RAX: variants seen among roughly 807,000 people sequenced by gnomAD.
RAX encodes retinal homeobox protein Rx.
A neutral mutation model predicts 17.4 loss-of-function variants in RAX; 11 were observed. The observed-to-expected ratio is 0.63, with a 90% CI of 0.40 to 1.05. The LOEUF is 1.05. Ranked by LOEUF, RAX falls within the 50% of genes least tolerant of loss-of-function variation. The probability of loss-of-function intolerance (pLI) is 0.00; values close to 1 mark genes in which losing one functional copy is unlikely to be tolerated. For missense variants in RAX, 527 were observed against 501.1 expected, an observed-to-expected ratio of 1.05 and a Z score of -0.49; for synonymous variants, 276 against 254.7, an observed-to-expected ratio of 1.08 and a Z score of -0.80.
Position 59,272,980 on chromosome 18 carries a change from G to T in RAX, c.227C>A (p.Ala76Glu). Residue 76 changes from alanine to glutamate, a missense_variant, in exon 1 of 3, where the codon GCG becomes GAG. By Grantham distance (107) the Ala-to-Glu change is moderately radical. Coordinates refer to ENST00000334889, the MANE Select transcript of RAX (RefSeq NM_013435.3). Reference sequence around the variant, plus strand: ...GGAGGGCTCGGAGCCTTCCTCGGGCGCCTTGGGGCAGGCGGGCCGCGCGCC... The same window carrying T: ...GGAGGGCTCGGAGCCTTCCTCGGGCTCCTTGGGGCAGGCGGGCCGCGCGCC... ...RLGARPACPK[A>E]PEEGSEPSPP... 2.0e-6 allele frequency: 3 copies of T among 1,520,982 alleles called. No individual in the cohort carries two copies. Among genetic ancestry groups the T allele is most frequent in the Non-Finnish European group, 2.6e-6 (3 of 1,141,656 alleles). The allele number at this position is 1,520,982 out of a possible 1,614,324, so 94.2% of individuals were successfully genotyped here.
At chr18:59,272,300 T>C (rs545563036) in intron 2 of RAX, 61 bp downstream of exon 2, 33 of 1,611,442 alleles carry the variant, frequency 2.0e-5, no homozygotes, top group East Asian at 1.1e-4. Context: ...CCGAGAAGCA[T>C]TGGCTGCAAT....
At chr18:59,272,689 C>A (rs865966482) in intron 1 of RAX, 75 bp from the exon 2 acceptor site, 1 of 1,504,618 alleles carries the variant, frequency 6.6e-7, no homozygotes, top group Non-Finnish European at 8.8e-7. Context: ...TCGCTGTGGG[C>A]ACTGGCCAGC....
intron 2 of RAX, 112 bp from the exon 3 acceptor site, chr18:59,269,613 T>G: frequency 8.1e-7 from 1 of 1,240,812 alleles, no homozygotes; most frequent in Non-Finnish European, 1.1e-6. Flanking sequence ...CAAATAAAAC[T>G]AGGGGCGCAA....
rs1350975074 is a variant in RAX, at chr18:59,273,408, G to C, written c.-202C>G. On this transcript the variant is annotated 5_prime_UTR_variant, in exon 1 of 3. Coordinates refer to ENST00000334889, the MANE Select transcript of RAX (RefSeq NM_013435.3). ...CTTAGTCCCAGAAGTCGGAAGTTCG[G>C]GCTCGGGGTAGCTGGGGCTCTCGGC... 1.7e-6 allele frequency: 1 copy of C among 595,866 alleles called. No homozygotes were observed. Among genetic ancestry groups the C allele is most frequent in the Non-Finnish European group, 2.8e-6 (1 of 356,864 alleles). 36.9% of individuals were successfully genotyped at this position (595,866 alleles called of 1,614,324 possible).
At chr18:59,272,637 G>A (rs747995909) in intron 1 of RAX, 23 bp from the exon 2 acceptor site, 1 of 1,600,978 alleles carries the variant, frequency 6.2e-7, no homozygotes, top group Non-Finnish European at 8.5e-7. Context: ...GGCCCGGGAG[G>A]GTCAGATGCA....
In RAX at chr18:59,271,992, G is replaced by C. The variant is rs568917572; in HGVS notation, c.543+369C>G. On this transcript the variant is annotated intron_variant, in intron 2 of 2. Transcript: ENST00000334889. ...CAGCTAGTGACGAGGGTGGCATTTG[G>C]GGCCCCAATCCTGTCACCCTCGATC... Among the ~76,000 whole-genome samples the C allele has an allele frequency of 7.2e-5, 11 of 152,256 alleles. No individual in the cohort carries two copies. The South Asian group carries it at 2.3e-3, about 32-fold the overall frequency.
At chr18:59,272,660 C>T (rs775384554) in intron 1 of RAX, 46 bp from the exon 2 acceptor site, 2 of 1,561,980 alleles carry the variant, frequency 1.3e-6, no homozygotes, top group East Asian at 4.6e-5. Context: ...CCCCAAAACA[C>T]CCTTGGGCCG....
At chr18:59,269,592 T>C (rs1333973086) in intron 2 of RAX, 91 bp from the exon 3 acceptor site, 16 of 1,411,542 alleles carry the variant, frequency 1.1e-5, no homozygotes, top group Admixed American at 2.0e-5. Flanking sequence ...CGGGCTCCAC[T>C]CCGTCCCCCT....
chr18:59,272,450 C>T lies in RAX; in HGVS notation c.454G>A (p.Glu152Lys). The change falls in exon 2 of 3, where the codon GAG becomes AAG. Residue 152 changes from glutamate to lysine, a missense_variant. Glu to Lys is a moderately conservative substitution (Grantham distance 56). Transcript: ENST00000334889. ...TFTTYQLHEL[E>K]RAFEKSHYPD... ...TAGTGGGACTTCTCGAACGCGCGCT[C>T]CAGCTCATGCAGCTGGTACGTGGTG... 6.2e-7 allele frequency: 1 copy of T among 1,614,230 alleles called. No individual in the cohort carries two copies. Among genetic ancestry groups the T allele is most frequent in the East Asian group, 2.2e-5 (1 of 44,858 alleles).
In RAX at chr18:59,269,421, G is replaced by C. The variant is rs773196712; in HGVS notation, c.624C>G (p.Pro208=). Residue 208 remains proline (P), a synonymous_variant, in exon 3 of 3, where the codon CCC becomes CCG. Transcript: ENST00000334889. The part of the protein sequence containing the change: ...EVSSMKLQDS[P]LLSFSRSPPS... ...GCGGGGAGCGGCTGAAGGAGAGGAG[G>C]GGCGAGTCCTGCAGCTTCATGGAGG... The C allele has an allele frequency of 6.3e-6, 10 of 1,575,032 alleles. No individual in the cohort carries two copies. In the African/African-American group the frequency reaches 1.1e-4, roughly 17 times the overall value.
At chr18:59,269,577 C>T in intron 2 of RAX, 76 bp from the exon 3 acceptor site, 1 of 1,523,940 alleles carries the variant, frequency 6.6e-7, no homozygotes, top group African/African-American at 1.4e-5. Context: ...GCCGGTTCAG[C>T]TCGGCGGGCT....
rs566029880 is a variant in RAX at position 59,269,646 on chromosome 18, G to C, written c.544-145C>G. ...CAACTGTTATGCATGTGCCGAGAGA[G>C]GCCCGGATCTTCCTTCCTTCCACCC... On this transcript the variant is annotated intron_variant, in intron 2 of 2. Transcript: ENST00000334889. 70 of 855,754 alleles carry C rather than the reference G, an allele frequency of 8.2e-5. No homozygotes were observed. The African/African-American group carries it at 1.1e-3, about 14-fold the overall frequency. The allele number at this position is 855,754 out of a possible 1,614,324, so 53.0% of individuals were successfully genotyped here.
At position 59,269,577 on chromosome 18, in the gene RAX, C is replaced by A. The variant is rs1294533726; in HGVS notation, c.544-76G>T. On this transcript the variant is annotated intron_variant, in intron 2 of 2. Transcript: ENST00000334889. ...CGTCCCCAACCCTGAGCCGGTTCAG[C>A]TCGGCGGGCTCCACTCCGTCCCCCT... 3 of 1,523,940 alleles carry A rather than the reference C, an allele frequency of 2.0e-6. No homozygotes were observed. The Admixed American group carries it at 5.5e-5, about 28-fold the overall frequency. 94.4% of individuals were successfully genotyped at this position (1,523,940 alleles called of 1,614,324 possible).
chr18:59,272,827 T>C (rs1043659399), intron 1 of RAX, 91 bp downstream of exon 1: 10 of 1,461,728 alleles, frequency 6.8e-6, no homozygotes, highest in Non-Finnish European at 9.0e-6. Context: ...CCAGTTGCCT[T>C]AATAAAAGTT....
chr18:59,273,344 C>A lies in RAX; in HGVS notation c.-138G>T. ...CCGCGGGCGAAGCCCGCCCGGGCTG[C>A]GCACGCTGGGGGTGGCCGAGCGCTC... is the stretch of plus-strand genomic sequence containing the variant. On this transcript the variant is annotated 5_prime_UTR_variant, in exon 1 of 3. Transcript: ENST00000334889. 7 of 965,046 alleles carry A rather than the reference C, an allele frequency of 7.3e-6. No homozygotes were observed. The highest frequency in any genetic ancestry group is 1.0e-5 in the Non-Finnish European group (7 of 687,272). The allele number at this position is 965,046 out of a possible 1,614,324, so 59.8% of individuals were successfully genotyped here.
chr18:59,273,113 G>A lies in RAX; in HGVS notation c.94C>T (p.Leu32Phe). The change falls in exon 1 of 3, where the codon CTT becomes TTT. Residue 32 changes from leucine (L) to phenylalanine (F), a missense_variant. By Grantham distance (22) the Leu-to-Phe change is conservative. Coordinates refer to ENST00000334889, the MANE Select transcript of RAX (RefSeq NM_013435.3). Reference sequence around the variant, plus strand: ...CCCAGGATGGCCTCGATGCTGTGAAGTCGCGAGGTGCTCCCGCCCGGGCTG... The same window carrying A: ...CCCAGGATGGCCTCGATGCTGTGAAATCGCGAGGTGCTCCCGCCCGGGCTG... Reference protein sequence around the residue: ...LRSPGGSTSRLHSIEAILGFT... With the variant: ...LRSPGGSTSRFHSIEAILGFT... The A allele has an allele frequency of 6.5e-7, 1 of 1,535,064 alleles. No individual in the cohort carries two copies.
rs1424688409 is a variant in RAX at position 59,267,588 on chromosome 18, T to A, written c.*1416A>T. ...GATGCTAATTAAGGCTCTGGGGGCA[T>A]CATCCTGAAAGCACGCTTAGGGACG... is the stretch of plus-strand genomic sequence containing the variant. On this transcript the variant is annotated 3_prime_UTR_variant, in exon 3 of 3. Transcript: ENST00000334889. 2 of 145,460 alleles carry A rather than the reference T, an allele frequency of 1.4e-5. No homozygotes were observed. The highest frequency in any genetic ancestry group is 3.0e-5 in the Non-Finnish European group (2 of 67,194). The allele number at this position is 145,460 out of a possible 1,614,324, so 9.0% of individuals were successfully genotyped here. A position where few individuals can be genotyped will look rare whatever the true frequency, so the allele number is the denominator to read the frequency against.
chr18:59,272,537 C>G lies in RAX; in HGVS notation c.367G>C (p.Glu123Gln). The G allele has an allele frequency of 6.2e-7, 1 of 1,614,240 alleles. No homozygotes were observed. Among genetic ancestry groups the G allele is most frequent in the Non-Finnish European group, 8.5e-7 (1 of 1,180,050 alleles). Residue 123 changes from glutamate to glutamine, a missense_variant, in exon 2 of 3, where the codon GAA becomes CAA. Coordinates refer to ENST00000334889, the MANE Select transcript of RAX (RefSeq NM_013435.3). ...TGTTCCTCCTCTGACAGTTTCGCTT[C>G]GCCGGTGGCTGGCCCGACGGGCAGC... The part of the protein sequence containing the change: ...PGLPVGPATG[E>Q]AKLSEEEQPK...
chr18:59,269,367 C>T lies in RAX; in HGVS notation c.678G>A (p.Ala226=), dbSNP rs1603388829. Residue 226 remains alanine, a synonymous_variant, in exon 3 of 3, where the codon GCG becomes GCA. Coordinates refer to ENST00000334889, the MANE Select transcript of RAX (RefSeq NM_013435.3). ...PPSATLSPLG[A]GPGSGGGPAG... is the part of the protein sequence containing the mutation. ...CCGGCCCGCCACCGCTGCCCGGGCC[C>T]GCCCCGAGGGGCGACAGCGTCGCGG... is the stretch of plus-strand genomic sequence containing the variant. The T allele has an allele frequency of 6.8e-7, 1 of 1,476,518 alleles. No individual in the cohort carries two copies. Among genetic ancestry groups the T allele is most frequent in the African/African-American group, 1.4e-5 (1 of 69,036 alleles). The allele number at this position is 1,476,518 out of a possible 1,614,324, so 91.5% of individuals were successfully genotyped here. A position where few individuals can be genotyped will look rare whatever the true frequency, so the allele number is the denominator to read the frequency against.
Sources: allele counts gnomAD v4.1 joint callset (sites outside exome capture counted in the v4.1 genomes callset), GRCh38; gene constraint gnomAD v4.1.1; transcripts MANE v1.5; gene names NCBI Gene and HGNC (gene_info 2026-07-23, HGNC 2026-07-21).